Variants in SMARCAD1 observed in about 807,000 individuals in gnomAD.
SMARCAD1 encodes the protein SNF2 related chromatin remodeling ATPase with DExD box 1, also known as SWI/SNF-related matrix-associated actin-dependent regulator of chromatin subfamily A containing DEAD/H box 1.
SMARCAD1 carries 25 observed loss-of-function variants against 127.1 expected under a neutral mutation model. The ratio of observed to expected loss-of-function variants is 0.20; its 90% CI spans 0.14 to 0.27. SMARCAD1 has a LOEUF of 0.27. Ranked by LOEUF, SMARCAD1 falls within the 10% of genes least tolerant of loss-of-function variation. SMARCAD1 has a pLI of 1.00. For synonymous variants in SMARCAD1, 400 were observed against 396.9 expected (o/e 1.01, Z -0.09); for missense variants, 807 against 1,206.0 (o/e 0.67, Z 4.90).
chr4:94,215,173 C>T lies in SMARCAD1; in HGVS notation c.190+6589C>T, dbSNP rs539664045. ...TGTCTGTGGCCAAAATGTGAGCCAT[C>T]GTTAAACCTGTAGATAGTCATTGTG... On this transcript the variant is annotated intron_variant, in intron 2 of 23. Transcript: ENST00000354268. 1.2e-3 allele frequency among the ~76,000 whole-genome samples: 178 copies of T among 152,202 alleles called. 6 individuals carry two copies. In the South Asian group the frequency reaches 0.034, roughly 29 times the overall value.
Position 94,274,727 on chromosome 4 carries a change from C to T in SMARCAD1, c.1673-11C>T. 6.2e-7 allele frequency: 1 copy of T among 1,612,652 alleles called. No homozygotes were observed. Among genetic ancestry groups the T allele is most frequent in the African/African-American group, 1.3e-5 (1 of 75,000 alleles). The stretch of plus-strand genomic sequence containing the variant: ...GTAGCAGATGCAAATAATGTCTCTT[C>T]TGTTCCATAGATAACTGGTTAAGGG... On this transcript the variant is annotated splice_polypyrimidine_tract_variant and intron_variant, in intron 12 of 23. Transcript: ENST00000354268.
chr4:94,277,846 G>T (rs771494991), intron 16 of SMARCAD1, among the ~76,000 whole-genome samples: 1 of 152,170 alleles, frequency 6.6e-6, no homozygotes, highest in Non-Finnish European at 1.5e-5. Context: ...AATGTACAGT[G>T]TTTTAAATGG....
At chr4:94,278,756 TTA>T (rs1172424683) in intron 18 of SMARCAD1, 23 bp downstream of exon 18, 2 of 1,609,312 alleles carry the variant, frequency 1.2e-6, no homozygotes, top group African/African-American at 2.7e-5. Flanking sequence ...TTTTACTCTT[TTA>T]TGTGAAAAAG....
In SMARCAD1 at chr4:94,286,032, G is replaced by A. The variant is rs144231418; in HGVS notation, c.3019+963G>A. Among the ~76,000 whole-genome samples the A allele has an allele frequency of 7.5e-3, 1,143 of 152,128 alleles. 8 individuals carry two copies. Among genetic ancestry groups the A allele is most frequent in the African/African-American group, 0.026 (1,068 of 41,474 alleles). ...AATACTAGCAAATATCCAAATATAT[G>A]GATTTTATTCTAACAAGTTTCTAAA... On this transcript the variant is annotated intron_variant, in intron 23 of 23. Coordinates refer to ENST00000354268, the MANE Select transcript of SMARCAD1 (RefSeq NM_020159.5).
rs368809274 is a variant in SMARCAD1 at position 94,226,241 on chromosome 4, A to C, written c.313A>C (p.Asn105His). Residue 105 changes from asparagine to histidine, a missense_variant, in exon 3 of 24, where the codon AAT (asparagine) becomes CAT (histidine). Coordinates refer to ENST00000354268, the MANE Select transcript of SMARCAD1 (RefSeq NM_020159.5). Reference protein sequence around the residue: ...SSDSEDVVSPNCSNTVQEKTF... With the variant: ...SSDSEDVVSPHCSNTVQEKTF... ...TGATAGTGAAGATGTCGTTTCCCCAAATTGCTCCAATACAGTTCAAGAGAA... is the reference window on the plus strand; with the variant it reads ...TGATAGTGAAGATGTCGTTTCCCCACATTGCTCCAATACAGTTCAAGAGAA... 3.1e-6 allele frequency: 5 copies of C among 1,613,528 alleles called. No individual in the cohort carries two copies. The highest frequency in any genetic ancestry group is 4.2e-6 in the Non-Finnish European group (5 of 1,179,608).
At chr4:94,223,022 CTGTT>C (rs550985971) in intron 2 of SMARCAD1, among the ~76,000 whole-genome samples, 8 of 151,886 alleles carry the variant, frequency 5.3e-5, no homozygotes, top group Non-Finnish European at 8.8e-5. Flanking sequence ...GTACTACAGT[CTGTT>C]TAAGGGAGAA....
intron 9 of SMARCAD1, among the ~76,000 whole-genome samples, chr4:94,256,818 AG>A (rs1750165095): frequency 7.2e-6 from 1 of 139,416 alleles, no homozygotes; most frequent in South Asian, 2.7e-4. Flanking sequence ...AATTTGTGTA[AG>A]TTTGATAAGT....
intron 3 of SMARCAD1, 87 bp from the exon 4 acceptor site, chr4:94,233,867 T>C: frequency 7.6e-7 from 1 of 1,314,886 alleles, no homozygotes; most frequent in East Asian, 2.5e-5. Context: ...GCAGATGTGT[T>C]GTACTATGTA....
chr4:94,240,539 TA>T (rs1394483117), intron 5 of SMARCAD1, among the ~76,000 whole-genome samples: 3 of 152,192 alleles, frequency 2.0e-5, no homozygotes. Flanking sequence ...TCTGTGATGG[TA>T]TTCAGATAAC....
chr4:94,225,384 C>G (rs921435452), intron 2 of SMARCAD1, among the ~76,000 whole-genome samples: 1 of 152,120 alleles, frequency 6.6e-6, no homozygotes, highest in Non-Finnish European at 1.5e-5. Context: ...ATAAGGACAT[C>G]AGTCATATTG....
intron 5 of SMARCAD1, among the ~76,000 whole-genome samples, chr4:94,238,021 T>TA (rs764233769): frequency 1.2e-4 from 19 of 152,160 alleles, no homozygotes; most frequent in Non-Finnish European, 2.6e-4. Context: ...AGTGGATTCT[T>TA]ACTACTATTA....
chr4:94,278,329 T>C (rs1421218571), intron 16 of SMARCAD1, 93 bp from the exon 17 acceptor site: 5 of 1,118,724 alleles, frequency 4.5e-6, no homozygotes, highest in Non-Finnish European at 6.7e-6. Context: ...ACTCAGACTC[T>C]AATGAGGGAG....
intron 6 of SMARCAD1, among the ~76,000 whole-genome samples, chr4:94,245,947 C>G (rs1366799746): frequency 6.6e-6 from 1 of 152,132 alleles, no homozygotes; most frequent in African/African-American, 2.4e-5. Context: ...AAACGATTTT[C>G]CCACTGGGGC....
At chr4:94,283,017 C>A in intron 21 of SMARCAD1, 104 bp from the exon 22 acceptor site, 1 of 905,192 alleles carries the variant, frequency 1.1e-6, no homozygotes, top group Non-Finnish European at 1.7e-6. Context: ...AAGAGATGTA[C>A]ATACATCTTC....
chr4:94,232,432 G>A (rs1745983326), intron 3 of SMARCAD1, among the ~76,000 whole-genome samples: 1 of 152,166 alleles, frequency 6.6e-6, no homozygotes. Context: ...TCACCTAAGA[G>A]GCAAGGTCAA....
At chr4:94,273,408 G>A (rs1395126653) in intron 11 of SMARCAD1, among the ~76,000 whole-genome samples, 1 of 152,172 alleles carries the variant, frequency 6.6e-6, no homozygotes, top group Non-Finnish European at 1.5e-5. Context: ...TCTATCCACT[G>A]CTCAGTAAAG....
In SMARCAD1 at chr4:94,290,506, C is replaced by T; in HGVS notation, c.*972C>T. ...CTTCATCTAAAGGCAGCATTAGGTACTGCATGGAAATAGGTCATTAACTTG... is the reference window on the plus strand; with the variant it reads ...CTTCATCTAAAGGCAGCATTAGGTATTGCATGGAAATAGGTCATTAACTTG... On this transcript the variant is annotated 3_prime_UTR_variant, in exon 24 of 24. Coordinates refer to ENST00000354268, the MANE Select transcript of SMARCAD1 (RefSeq NM_020159.5). The T allele has an allele frequency of 2.2e-6, 1 of 454,470 alleles. No individual in the cohort carries two copies. The highest frequency in any genetic ancestry group is 1.6e-5 in the South Asian group (1 of 64,476). The allele number at this position is 454,470 out of a possible 1,614,324, so 28.2% of individuals were successfully genotyped here.
chr4:94,236,379 A>G (rs1226241993), intron 4 of SMARCAD1, among the ~76,000 whole-genome samples: 2 of 152,186 alleles, frequency 1.3e-5, no homozygotes, highest in East Asian at 1.9e-4. Context: ...CATGCAAGCA[A>G]TATATGCATA....
rs564591742 is a variant in SMARCAD1 at position 94,279,442 on chromosome 4, G to A, written c.2418+392G>A. 7.9e-5 allele frequency among the ~76,000 whole-genome samples: 12 copies of A among 152,210 alleles called. No homozygotes were observed. The South Asian group carries it at 1.2e-3, about 16-fold the overall frequency. On this transcript the variant is annotated intron_variant, in intron 19 of 23. Transcript: ENST00000354268. ...GGCATCAGTCACTGCACTGAAACAC[G>A]AAAAACACATTTTAGACTAAGTTCA...
Sources: gnomAD v4.1 joint callset for allele counts (sites outside exome capture counted in the v4.1 genomes callset) on GRCh38, gnomAD v4.1.1 for gene constraint, MANE v1.5 for transcripts, NCBI Gene and HGNC (gene_info 2026-07-23, HGNC 2026-07-21) for gene names.